The following TAFA2 variants were observed in gnomAD, a reference collection of about 807,000 sequenced individuals.
TAFA2 encodes the protein TAFA chemokine like family member 2.
A neutral mutation model predicts 18.8 loss-of-function variants in TAFA2; 7 were observed. The ratio of observed to expected loss-of-function variants is 0.37; its 90% confidence interval spans 0.21 to 0.70. The LOEUF (loss-of-function observed/expected upper bound fraction) is 0.70, where lower values mean the gene tolerates loss of function less well. TAFA2 is among the 30% of genes least tolerant of loss of function. TAFA2 has a pLI of 0.53. For missense variants in TAFA2, 122 were observed against 158.1 expected, an observed-to-expected ratio of 0.77 and a Z score of 1.23; for synonymous variants, 60 against 54.2, an observed-to-expected ratio of 1.11 and a Z score of -0.47.
At chr12:62,163,922 A>G (rs1274941337) in intron 1 of TAFA2, among the ~76,000 whole-genome samples, 3 of 152,118 alleles carry the variant, frequency 2.0e-5, no homozygotes, top group Admixed American at 6.6e-5. Flanking sequence ...GAGAAGTAAG[A>G]AAAAAAGTTC....
chr12:61,994,675 A>G (rs527569697), intron 1 of TAFA2, among the ~76,000 whole-genome samples: 1 of 152,094 alleles, frequency 6.6e-6, no homozygotes, highest in East Asian at 1.9e-4. Context: ...TTCAAGTTTA[A>G]TGGACTCTCC....
chr12:61,723,508 A>AG (rs1870001465), intron 4 of TAFA2, among the ~76,000 whole-genome samples: 1 of 152,140 alleles, frequency 6.6e-6, no homozygotes, highest in South Asian at 2.1e-4. Flanking sequence ...GGTGACCCAA[A>AG]GGGTCAGTTC....
intron 1 of TAFA2, among the ~76,000 whole-genome samples, chr12:62,204,087 C>T (rs2062682513): frequency 6.6e-6 from 1 of 152,112 alleles, no homozygotes; most frequent in South Asian, 2.1e-4. Context: ...TTCTCCTTTG[C>T]TCATGAAGCT....
At chr12:62,121,213 C>T (rs906250963) in intron 1 of TAFA2, among the ~76,000 whole-genome samples, 41 of 152,258 alleles carry the variant, frequency 2.7e-4, no homozygotes, top group Non-Finnish European at 5.3e-4. Context: ...ATGATAACCC[C>T]TACCTAATCT....
chr12:62,137,506 G>A (rs373220160), intron 1 of TAFA2, among the ~76,000 whole-genome samples: 6 of 152,212 alleles, frequency 3.9e-5, no homozygotes, highest in East Asian at 3.9e-4. Context: ...TCATTCCAAA[G>A]CTCATCTTCT....
At chr12:62,257,168 G>GTGTATATGTATATATACACAA (rs779786449) in intron 1 of TAFA2, among the ~76,000 whole-genome samples, 16,364 of 140,772 alleles carry the variant, frequency 0.12, 1,362 homozygotes, top group Non-Finnish European at 0.15. Context: ...ATATATGTGT[G>GTGTATATGTATATATACACAA]TGTGTGTGTG....
At chr12:62,165,970 C>G (rs1211379010) in intron 1 of TAFA2, among the ~76,000 whole-genome samples, 1 of 143,588 alleles carries the variant, frequency 7.0e-6, no homozygotes, top group East Asian at 2.0e-4. Context: ...CACACACACA[C>G]ACAGACGCAA....
At chr12:62,212,889 G>A (rs963171359) in intron 1 of TAFA2, among the ~76,000 whole-genome samples, 1 of 151,988 alleles carries the variant, frequency 6.6e-6, no homozygotes, top group African/African-American at 2.4e-5. Flanking sequence ...TAAATGTTAA[G>A]GTAAAAATTA....
Position 61,889,082 on chromosome 12 carries a change from C to T in TAFA2, c.-1-21656G>A, listed in dbSNP as rs185131773. On this transcript the variant is annotated intron_variant, in intron 1 of 4. Transcript: ENST00000416284. The stretch of plus-strand genomic sequence containing the variant: ...CACAACTCCTTCTCCATTCATCTCC[C>T]GTCTACAGAGTGGACATAATGCTGG... Among the ~76,000 whole-genome samples, 317 of 152,190 alleles carry T rather than the reference C, an allele frequency of 2.1e-3. 1 individual carries two copies. Among genetic ancestry groups the T allele is most frequent in the African/African-American group, 7.2e-3 (300 of 41,532 alleles).
intron 4 of TAFA2, among the ~76,000 whole-genome samples, chr12:61,713,804 G>A (rs1869522873): frequency 6.6e-6 from 1 of 152,024 alleles, no homozygotes; most frequent in African/African-American, 2.4e-5. Flanking sequence ...GCATGCTGGG[G>A]GGGAAACATA....
At chr12:62,049,707 T>C (rs967521106) in intron 1 of TAFA2, among the ~76,000 whole-genome samples, 3 of 152,166 alleles carry the variant, frequency 2.0e-5, no homozygotes, top group African/African-American at 4.8e-5. Context: ...AACAGAAGGC[T>C]ACAAAAACCG....
chr12:62,185,173 GA>G, intron 1 of TAFA2, among the ~76,000 whole-genome samples: 1 of 152,102 alleles, frequency 6.6e-6, no homozygotes, highest in Non-Finnish European at 1.5e-5. Context: ...ATCTTAGCAG[GA>G]AAAAAACTGT....
chr12:62,002,475 G>A (rs1255446142), intron 1 of TAFA2, among the ~76,000 whole-genome samples: 1 of 152,060 alleles, frequency 6.6e-6, no homozygotes, highest in African/African-American at 2.4e-5. Context: ...TCTCAAGATA[G>A]CTTCCCGATT....
chr12:61,924,268 A>G (rs1418553833), intron 1 of TAFA2, among the ~76,000 whole-genome samples: 1 of 152,174 alleles, frequency 6.6e-6, no homozygotes, highest in African/African-American at 2.4e-5. Flanking sequence ...AAGGAGAGCA[A>G]CCCCAAGACA....
At chr12:62,125,778 C>T (rs1423743358) in intron 1 of TAFA2, among the ~76,000 whole-genome samples, 1 of 152,022 alleles carries the variant, frequency 6.6e-6, no homozygotes, top group Non-Finnish European at 1.5e-5. Context: ...CACCACTGAC[C>T]ACCTGTATGA....
intron 1 of TAFA2, chr12:61,880,620 CCCCTCCTCAGCTA>C: frequency 2.4e-6 from 1 of 414,340 alleles, no homozygotes; most frequent in South Asian, 1.8e-5. Context: ...CTCACAAGCC[CCCCTCCTCAGCTA>C]TGGCCTGAGC....
chr12:61,859,562 G>A, intron 2 of TAFA2, among the ~76,000 whole-genome samples: 1 of 152,204 alleles, frequency 6.6e-6, no homozygotes, highest in East Asian at 1.9e-4. Context: ...TTCTGCCTCA[G>A]CCTCCCGAGT....
intron 1 of TAFA2, among the ~76,000 whole-genome samples, chr12:61,878,438 T>C (rs1298349979): frequency 1.3e-5 from 2 of 152,238 alleles, no homozygotes; most frequent in African/African-American, 4.8e-5. Context: ...GAACAGTATT[T>C]GAAATAGTAT....
chr12:62,215,827 T>C (rs1429136674), intron 1 of TAFA2, among the ~76,000 whole-genome samples: 5 of 151,834 alleles, frequency 3.3e-5, no homozygotes, highest in Non-Finnish European at 5.9e-5. Context: ...GGTTTCTTAT[T>C]TGTAGACAGA....
Sources: allele counts gnomAD v4.1 joint callset (sites outside exome capture counted in the v4.1 genomes callset), GRCh38; gene constraint gnomAD v4.1.1; transcripts MANE v1.5; gene names NCBI Gene and HGNC (gene_info 2026-07-23, HGNC 2026-07-21).